KIFAP3: variants seen among roughly 807,000 people sequenced by gnomAD.
KIFAP3 encodes the protein kinesin associated protein 3, also known as kinesin-associated protein 3.
A neutral mutation model predicts 106.5 loss-of-function variants in KIFAP3; 68 were observed. The ratio of observed to expected loss-of-function variants is 0.64; its 90% confidence interval spans 0.53 to 0.78. The LOEUF (loss-of-function observed/expected upper bound fraction) is 0.78, where lower values mean the gene tolerates loss of function less well. Among genes scored for constraint, KIFAP3 ranks in the 30% least tolerant of loss-of-function variants. The probability of loss-of-function intolerance (pLI) is 0.00; values close to 1 mark genes in which losing one functional copy is unlikely to be tolerated. For synonymous variants in KIFAP3, 320 were observed against 311.5 expected (o/e 1.03, Z -0.29); for missense variants, 780 against 941.8 (o/e 0.83, Z 2.25).
At chr1:169,999,254 T>C (rs1445674498) in intron 10 of KIFAP3, among the ~76,000 whole-genome samples, 1 of 152,112 alleles carries the variant, frequency 6.6e-6, no homozygotes, top group Admixed American at 6.6e-5. Context: ...CTACAAGAAA[T>C]GAGGATTGGA....
Position 169,954,084 on chromosome 1 carries a change from T to A in KIFAP3, c.2200A>T (p.Ile734Leu). 2.5e-6 allele frequency: 4 copies of A among 1,612,640 alleles called. No individual in the cohort carries two copies. The highest frequency in any genetic ancestry group is 3.4e-6 in the Non-Finnish European group (4 of 1,178,796). Reference protein sequence around the residue: ...SDGLIASEGAISPDFFNDYHL... With the variant: ...SDGLIASEGALSPDFFNDYHL... Reference sequence around the variant, plus strand: ...TAATCATTGAAGAAATCGGGACTTATGGCTCCTTCAGAGGCAATTAATCCA... The same window carrying A: ...TAATCATTGAAGAAATCGGGACTTAAGGCTCCTTCAGAGGCAATTAATCCA... The change falls in exon 19 of 20, where the codon ATA becomes TTA. Residue 734 changes from isoleucine to leucine, a missense_variant. Physicochemically the swap from Ile to Leu is conservative, Grantham distance 5 (BLOSUM62 2). Transcript: ENST00000361580.
rs192251207 is a variant in KIFAP3 at position 169,931,828 on chromosome 1, T to A, written c.2274-10047A>T. Reference sequence around the variant, plus strand: ...GCGACAGTTTAACTATACTGTCTGGTACTGAGTGAGTTAAAGCCTGAACAC... The same window carrying A: ...GCGACAGTTTAACTATACTGTCTGGAACTGAGTGAGTTAAAGCCTGAACAC... On this transcript the variant is annotated intron_variant, in intron 19 of 19. Transcript: ENST00000361580. 4.6e-5 allele frequency among the ~76,000 whole-genome samples: 7 copies of A among 152,326 alleles called. No individual in the cohort carries two copies. In the East Asian group the frequency reaches 1.3e-3, roughly 29 times the overall value.
intron 4 of KIFAP3, among the ~76,000 whole-genome samples, chr1:170,038,983 T>C (rs1669829121): frequency 6.6e-6 from 1 of 152,174 alleles, no homozygotes; most frequent in African/African-American, 2.4e-5. Flanking sequence ...CTCAGGAGGC[T>C]GAGGCAGGAA....
At chr1:169,945,146 CG>C (rs57723527) in intron 19 of KIFAP3, among the ~76,000 whole-genome samples, 141,203 of 151,412 alleles carry the variant, frequency 0.93, 65,914 homozygotes, top group East Asian at 0.98. Context: ...CAGTGGGGGG[CG>C]GGGGGGGGCT....
At chr1:170,005,948 C>G (rs950167835) in intron 10 of KIFAP3, among the ~76,000 whole-genome samples, 1 of 152,108 alleles carries the variant, frequency 6.6e-6, no homozygotes, top group Non-Finnish European at 1.5e-5. Flanking sequence ...CCTGATCTCT[C>G]ATTTGGCAAC....
In KIFAP3 at chr1:170,011,476, A is replaced by G. The variant is rs866419347; in HGVS notation, c.1183+4986T>C. On this transcript the variant is annotated intron_variant, in intron 10 of 19. Coordinates refer to ENST00000361580, the MANE Select transcript of KIFAP3 (RefSeq NM_014970.4). Reference sequence around the variant, plus strand: ...ACATTTTTGTTTAATTACATATATTAAACAAATGTTTAAATATATATCAAA... The same window carrying G: ...ACATTTTTGTTTAATTACATATATTGAACAAATGTTTAAATATATATCAAA... 2.6e-5 allele frequency among the ~76,000 whole-genome samples: 4 copies of G among 151,964 alleles called. No homozygotes were observed. In the South Asian group the frequency reaches 8.3e-4, roughly 31 times the overall value.
intron 16 of KIFAP3, among the ~76,000 whole-genome samples, chr1:169,975,905 T>C (rs990920676): frequency 2.0e-5 from 3 of 152,210 alleles, no homozygotes; most frequent in African/African-American, 7.2e-5. Flanking sequence ...TGCACCATTA[T>C]CAACATGTTA....
At chr1:169,950,574 T>A (rs655133) in intron 19 of KIFAP3, among the ~76,000 whole-genome samples, 1 of 151,992 alleles carries the variant, frequency 6.6e-6, no homozygotes, top group African/African-American at 2.4e-5. Flanking sequence ...TTTTTCAATA[T>A]GTAAAGATCA....
At chr1:170,022,267 A>G (rs1301815848) in intron 9 of KIFAP3, among the ~76,000 whole-genome samples, 1 of 152,042 alleles carries the variant, frequency 6.6e-6, no homozygotes, top group African/African-American at 2.4e-5. Flanking sequence ...GTCTATTTCT[A>G]TAACACACAA....
chr1:169,927,099 G>A (rs1663180159), intron 19 of KIFAP3, among the ~76,000 whole-genome samples: 1 of 152,026 alleles, frequency 6.6e-6, no homozygotes, highest in African/African-American at 2.4e-5. Context: ...GGTAATTTCA[G>A]CTTAAGTATG....
At chr1:170,026,952 C>CA (rs902104383) in intron 8 of KIFAP3, among the ~76,000 whole-genome samples, 7 of 150,106 alleles carry the variant, frequency 4.7e-5, no homozygotes, top group Non-Finnish European at 1.0e-4. Context: ...AAATAAAACT[C>CA]AAAGATATTT....
chr1:170,021,125 A>G (rs1668792905), intron 9 of KIFAP3, among the ~76,000 whole-genome samples: 1 of 152,212 alleles, frequency 6.6e-6, no homozygotes, highest in African/African-American at 2.4e-5. Context: ...CTCAAAAGTT[A>G]GCAGTAAGAA....
intron 8 of KIFAP3, among the ~76,000 whole-genome samples, chr1:170,029,394 T>C (rs1447469339): frequency 3.3e-5 from 5 of 151,968 alleles, no homozygotes; most frequent in African/African-American, 9.7e-5. Flanking sequence ...ATAACTCCCT[T>C]CTAAATAACC....
At chr1:169,953,787 TACAGGCGTG>T (rs1424959768) in intron 19 of KIFAP3, among the ~76,000 whole-genome samples, 2 of 152,246 alleles carry the variant, frequency 1.3e-5, no homozygotes, top group Non-Finnish European at 2.9e-5. Context: ...GTGCTGGGAT[TACAGGCGTG>T]AGCCACCACA....
chr1:170,034,627 T>C (rs1669583491), intron 6 of KIFAP3, 131 bp from the exon 7 acceptor site: 3 of 447,400 alleles, frequency 6.7e-6, no homozygotes, highest in African/African-American at 6.3e-5. Context: ...TAAATGAATA[T>C]ATCCACAATA....
intron 7 of KIFAP3, 48 bp from the exon 8 acceptor site, chr1:170,032,032 TCTA>T (rs745689427): frequency 2.9e-5 from 30 of 1,034,428 alleles, no homozygotes; most frequent in Non-Finnish European, 4.0e-5. Context: ...GCAAAAAAAA[TCTA>T]CTGATAAATT....
At chr1:169,929,015 A>G (rs550154374) in intron 19 of KIFAP3, among the ~76,000 whole-genome samples, 1 of 152,304 alleles carries the variant, frequency 6.6e-6, no homozygotes, top group South Asian at 2.1e-4. Flanking sequence ...CGAAATAACG[A>G]GTATAAAACA....
At chr1:169,955,008 A>G (rs1487909685) in intron 18 of KIFAP3, among the ~76,000 whole-genome samples, 2 of 152,234 alleles carry the variant, frequency 1.3e-5, no homozygotes, top group Admixed American at 1.3e-4. Context: ...GAGGAAAAAA[A>G]GATCTAAGTG....
At chr1:170,062,269 A>C (rs1051773927) in intron 1 of KIFAP3, among the ~76,000 whole-genome samples, 1 of 151,344 alleles carries the variant, frequency 6.6e-6, no homozygotes, top group Non-Finnish European at 1.5e-5. Context: ...AAAAAAAAAA[A>C]CCCACCACCC....
Sources: gnomAD v4.1 joint callset for allele counts (sites outside exome capture counted in the v4.1 genomes callset) on GRCh38, gnomAD v4.1.1 for gene constraint, MANE v1.5 for transcripts, NCBI Gene and HGNC (gene_info 2026-07-23, HGNC 2026-07-21) for gene names.